Variants in EBF1 observed in about 807,000 individuals in gnomAD.
The protein encoded by EBF1 is transcription factor COE1.
In EBF1, 10 loss-of-function variants were observed where a neutral mutation model predicts 68.4. The observed-to-expected ratio is 0.15, with a 90% CI of 0.09 to 0.25. The LOEUF is 0.25. EBF1 is among the 10% of genes least tolerant of loss of function. The pLI is 1.00. For synonymous variants in EBF1, 298 were observed against 299.8 expected, an observed-to-expected ratio of 0.99 and a Z score of 0.06; for missense variants, 509 against 794.4, an observed-to-expected ratio of 0.64 and a Z score of 4.32.
chr5:158,775,707 T>C (rs1424652380), intron 10 of EBF1, among the ~76,000 whole-genome samples: 1 of 151,008 alleles, frequency 6.6e-6, no homozygotes, highest in Admixed American at 6.6e-5. Flanking sequence ...GAAGTTTCAA[T>C]TGGTCCTTTT....
chr5:158,861,120 T>TTGTTCAC (rs1198299971), intron 6 of EBF1, among the ~76,000 whole-genome samples: 6 of 144,498 alleles, frequency 4.2e-5, no homozygotes, highest in Non-Finnish European at 9.1e-5. Context: ...TTCTGGTCAC[T>TTGTTCAC]TGTCCCCTGT....
intron 8 of EBF1, among the ~76,000 whole-genome samples, chr5:158,804,140 G>T (rs1051711604): frequency 1.3e-5 from 2 of 151,198 alleles, no homozygotes; most frequent in African/African-American, 2.4e-5. Flanking sequence ...AATGCCCTTT[G>T]CTTTGACAGC....
At chr5:158,705,104 T>C (rs1757577304) in intron 15 of EBF1, among the ~76,000 whole-genome samples, 1 of 152,102 alleles carries the variant, frequency 6.6e-6, no homozygotes, top group African/African-American at 2.4e-5. Context: ...CCCTCAGTCA[T>C]CCTAGTAGCT....
intron 6 of EBF1, among the ~76,000 whole-genome samples, chr5:159,064,897 A>ATG (rs1776499049): frequency 1.2e-5 from 1 of 84,356 alleles, no homozygotes; most frequent in Non-Finnish European, 2.3e-5. Flanking sequence ...CTCTCTTTTC[A>ATG]TCTTTTTTTT....
intron 6 of EBF1, among the ~76,000 whole-genome samples, chr5:159,064,791 G>C (rs1776479554): frequency 6.6e-6 from 1 of 151,212 alleles, no homozygotes; most frequent in Admixed American, 6.6e-5. Flanking sequence ...AGAAACATGG[G>C]TTTTCAACTG....
intron 6 of EBF1, among the ~76,000 whole-genome samples, chr5:158,991,242 G>A (rs1760263828): frequency 6.6e-6 from 1 of 152,106 alleles, no homozygotes; most frequent in Admixed American, 6.5e-5. Context: ...TTGATAAATG[G>A]AGGCTATCAT....
At chr5:158,962,754 G>A (rs530084983) in intron 6 of EBF1, among the ~76,000 whole-genome samples, 18 of 152,270 alleles carry the variant, frequency 1.2e-4, no homozygotes, top group South Asian at 2.1e-4. Context: ...TCTCGCCTGC[G>A]GGACTAAAAA....
At chr5:158,777,375 A>G (rs999745207) in intron 10 of EBF1, 38 bp downstream of exon 10, 1 of 1,550,106 alleles carries the variant, frequency 6.5e-7, no homozygotes. Context: ...CCACAAGACC[A>G]CGGCAGTTCT....
At chr5:158,947,122 C>T (rs937888731) in intron 6 of EBF1, among the ~76,000 whole-genome samples, 9 of 152,186 alleles carry the variant, frequency 5.9e-5, no homozygotes, top group African/African-American at 2.2e-4. Flanking sequence ...GCTTGCTGGG[C>T]TCCATGGGGG....
chr5:159,044,270 A>G (rs1395681618), intron 6 of EBF1, among the ~76,000 whole-genome samples: 1 of 152,192 alleles, frequency 6.6e-6, no homozygotes, highest in Non-Finnish European at 1.5e-5. Flanking sequence ...TATTGGGCCC[A>G]ACCTCCTATT....
intron 6 of EBF1, among the ~76,000 whole-genome samples, chr5:158,914,615 G>C (rs987728934): frequency 6.6e-6 from 1 of 152,138 alleles, no homozygotes; most frequent in Non-Finnish European, 1.5e-5. Context: ...AAAAGAAAAG[G>C]AGGGGGGGAA....
chr5:158,826,975 G>A (rs1472098128), intron 7 of EBF1, among the ~76,000 whole-genome samples: 1 of 152,290 alleles, frequency 6.6e-6, no homozygotes, highest in African/African-American at 2.4e-5. Context: ...CCTGGTTGAT[G>A]TGACTTTGGC....
At chr5:158,978,269 G>A (rs912163498) in intron 6 of EBF1, among the ~76,000 whole-genome samples, 1 of 152,338 alleles carries the variant, frequency 6.6e-6, no homozygotes, top group East Asian at 1.9e-4. Flanking sequence ...AACCGATGAC[G>A]GCAGAAACCT....
chr5:158,707,854 G>C (rs1170253819), intron 15 of EBF1, 125 bp downstream of exon 15: 3 of 1,178,130 alleles, frequency 2.5e-6, no homozygotes, highest in Non-Finnish European at 3.6e-6. Flanking sequence ...AAGAGATGAG[G>C]GCAGAGAGAA....
chr5:158,871,946 A>G (rs1199217367), intron 6 of EBF1, among the ~76,000 whole-genome samples: 1 of 152,230 alleles, frequency 6.6e-6, no homozygotes, highest in Non-Finnish European at 1.5e-5. Flanking sequence ...AGCCTAAAAG[A>G]AGGCAGGTAG....
At chr5:158,938,630 A>G (rs537153632) in intron 6 of EBF1, among the ~76,000 whole-genome samples, 1 of 152,350 alleles carries the variant, frequency 6.6e-6, no homozygotes, top group African/African-American at 2.4e-5. Context: ...CCCAGTCTGC[A>G]GAGGGCTGCC....
intron 12 of EBF1, among the ~76,000 whole-genome samples, chr5:158,713,560 C>T (rs938108941): frequency 5.9e-5 from 9 of 152,170 alleles, no homozygotes; most frequent in African/African-American, 1.9e-4. Context: ...CTGCAATTCA[C>T]CTCCCCTATT....
chr5:159,020,773 TA>T (rs1437791394), intron 6 of EBF1, among the ~76,000 whole-genome samples: 2 of 152,226 alleles, frequency 1.3e-5, no homozygotes, highest in African/African-American at 4.8e-5. Flanking sequence ...CCAAAGTGCC[TA>T]GTACAGTGGA....
chr5:158,764,989 G>A (rs902862830), intron 10 of EBF1, among the ~76,000 whole-genome samples: 1 of 152,068 alleles, frequency 6.6e-6, no homozygotes. Flanking sequence ...GAATGAGAAA[G>A]GCTTTGTCAA....
Sources: allele counts gnomAD v4.1 joint callset (sites outside exome capture counted in the v4.1 genomes callset), GRCh38; gene constraint gnomAD v4.1.1; transcripts MANE v1.5; gene names NCBI Gene and HGNC (gene_info 2026-07-23, HGNC 2026-07-21).